ZNFX1: variants seen among roughly 807,000 people sequenced by gnomAD.
ZNFX1 encodes zinc finger NFX1-type containing 1.
In ZNFX1, 78 loss-of-function variants were observed where a neutral mutation model predicts 179.8. The ratio of observed to expected loss-of-function variants is 0.43; its 90% CI spans 0.36 to 0.52. The LOEUF is 0.52. Among genes scored for constraint, ZNFX1 ranks in the 20% least tolerant of loss-of-function variants. The probability of loss-of-function intolerance (pLI) is 0.00; values close to 1 mark genes in which losing one functional copy is unlikely to be tolerated. For synonymous variants in ZNFX1, 848 were observed against 868.5 expected (o/e 0.98, Z 0.42); for missense variants, 1,927 against 2,386.6 (o/e 0.81, Z 4.01).
chr20:49,257,864 G>C (rs1188170448), intron 7 of ZNFX1, among the ~76,000 whole-genome samples, 200 bp from the exon 8 acceptor site: 2 of 151,702 alleles, frequency 1.3e-5, no homozygotes, highest in Non-Finnish European at 2.9e-5. Flanking sequence ...ACCACGCCTG[G>C]CTAATTTTGT....
rs780905965 is a variant in ZNFX1 at position 49,247,369 on chromosome 20, T to C, written c.5655A>G (p.Arg1885=). Residue 1885 remains arginine (R), a synonymous_variant, in exon 14 of 14, where the codon AGA becomes AGG. Coordinates refer to ENST00000396105, the MANE Select transcript of ZNFX1 (RefSeq NM_021035.3). The stretch of plus-strand genomic sequence containing the variant: ...CCATTTCAGAAGCAAGCTGGTTGCT[T>C]CTTTCCAGAGTATGATTTGTGCCAC... ...VIGGTNHTLE[R]SNQLASEMDG... 6.2e-7 allele frequency: 1 copy of C among 1,614,188 alleles called. No homozygotes were observed. Among genetic ancestry groups the C allele is most frequent in the Non-Finnish European group, 8.5e-7 (1 of 1,180,030 alleles).
chr20:49,264,082 T>C (rs913676100), intron 5 of ZNFX1, among the ~76,000 whole-genome samples: 5 of 151,998 alleles, frequency 3.3e-5, no homozygotes, highest in Admixed American at 6.6e-5. Flanking sequence ...ATTAGCCAGG[T>C]GTGATGGCGG....
At chr20:49,269,345 G>A (rs1300857255) in intron 3 of ZNFX1, among the ~76,000 whole-genome samples, 2 of 152,132 alleles carry the variant, frequency 1.3e-5, no homozygotes, top group Non-Finnish European at 2.9e-5. Context: ...AGACACCAGG[G>A]CCTACTTCAG....
intron 7 of ZNFX1, among the ~76,000 whole-genome samples, chr20:49,258,256 C>G (rs1412418763): frequency 6.7e-6 from 1 of 150,098 alleles, no homozygotes; most frequent in Admixed American, 6.6e-5. Context: ...CCACCACGCC[C>G]AGCTAATTTT....
In ZNFX1 at chr20:49,271,314, T is replaced by C. The variant is rs1463751423; in HGVS notation, c.498A>G (p.Thr166=). The C allele has an allele frequency of 1.2e-6, 2 of 1,614,026 alleles. No homozygotes were observed. The highest frequency in any genetic ancestry group is 1.7e-6 in the Non-Finnish European group (2 of 1,180,028). Residue 166 remains threonine (T), a synonymous_variant, in exon 3 of 14, where the codon ACA becomes ACG. Transcript: ENST00000396105. ...DPSEVVITLA[T]SLGLKELLSH... is the part of the protein sequence containing the mutation. ...AAAGGAGCTCTTTCAGCCCTAAACT[T>C]GTGGCAAGTGTGATGACCACCTCAG... is the stretch of plus-strand genomic sequence containing the variant.
intron 8 of ZNFX1, 86 bp from the exon 9 acceptor site, chr20:49,256,033 A>G: frequency 6.7e-7 from 1 of 1,494,504 alleles, no homozygotes; most frequent in Non-Finnish European, 9.1e-7. Context: ...AGCACGTAAG[A>G]AAAAGGGCTG....
chr20:49,270,773 A>G lies in ZNFX1; in HGVS notation c.1039T>C (p.Leu347=), dbSNP rs367712194. ...GGGCGAAGGAAGGGCCTCTCATCCA[A>G]GTGCACTTCATTGTAGGTAGGGTAA... The part of the protein sequence containing the change: ...PIYPTYNEVH[L]DERPFLRPNI... Residue 347 remains leucine, a synonymous_variant, in exon 3 of 14, where the codon TTG becomes CTG. Transcript: ENST00000396105. The surrounding 1 kb of genome is among the most constrained non-coding windows in gnomAD (Gnocchi z 4.6). 3 of 1,614,000 alleles carry G rather than the reference A, an allele frequency of 1.9e-6. No homozygotes were observed. The highest frequency in any genetic ancestry group is 1.7e-6 in the Non-Finnish European group (2 of 1,180,010).
In ZNFX1 at chr20:49,248,610, A is replaced by G; in HGVS notation, c.4414T>C (p.Ser1472Pro). 6.2e-7 allele frequency: 1 copy of G among 1,614,120 alleles called. No individual in the cohort carries two copies. Among genetic ancestry groups the G allele is most frequent in the Non-Finnish European group, 8.5e-7 (1 of 1,180,046 alleles). Residue 1472 changes from serine (S) to proline (P), a missense_variant, in exon 14 of 14, where the codon TCA becomes CCA. Ser to Pro is a moderately conservative substitution (Grantham distance 74, BLOSUM62 -1). Transcript: ENST00000396105. This position sits in a 1 kb window ranked among gnomAD's most constrained non-coding sequence, Gnocchi z 4.6. ...QQPCKRLLIC[S>P]HKCQEPCIGE... ...ATGCATGGTTCCTGGCACTTGTGTG[A>G]GCAGATAAGCAGGCGCTTGCAGGGC...
intron 13 of ZNFX1, among the ~76,000 whole-genome samples, chr20:49,250,355 G>A (rs1027654841): frequency 2.0e-5 from 3 of 152,188 alleles, no homozygotes; most frequent in African/African-American, 7.2e-5. Flanking sequence ...TGACAGAGCA[G>A]CTAACTTACT....
At position 49,249,004 on chromosome 20, in the gene ZNFX1, C is replaced by T; in HGVS notation, c.4020G>A (p.Glu1340=). ...GHRCPLVCFQ[E]CQPCQVKVPK... is the part of the protein sequence containing the mutation. The stretch of plus-strand genomic sequence containing the variant: ...GCACCTTCACCTGACAAGGCTGACA[C>T]TCCTGGAAGCAAACAAGGGGACACC... The change falls in exon 14 of 14, where the codon GAG becomes GAA. Residue 1340 remains glutamate (E), a synonymous_variant. Coordinates refer to ENST00000396105, the MANE Select transcript of ZNFX1 (RefSeq NM_021035.3). The T allele has an allele frequency of 6.2e-7, 1 of 1,614,206 alleles. No homozygotes were observed. The highest frequency in any genetic ancestry group is 8.5e-7 in the Non-Finnish European group (1 of 1,180,028).
At chr20:49,255,545 C>T (rs559640037) in intron 9 of ZNFX1, among the ~76,000 whole-genome samples, 7 of 152,048 alleles carry the variant, frequency 4.6e-5, no homozygotes, top group African/African-American at 1.7e-4. Context: ...TGTGGAATTA[C>T]GTGATTAATT....
At chr20:49,272,228 A>C (rs1981428875) in intron 2 of ZNFX1, among the ~76,000 whole-genome samples, 1 of 146,874 alleles carries the variant, frequency 6.8e-6, no homozygotes, top group Non-Finnish European at 1.5e-5. Flanking sequence ...CCCAGGCTGG[A>C]GTGCAGTGGT....
At chr20:49,260,410 A>G in intron 7 of ZNFX1, 53 bp downstream of exon 7, 1 of 1,252,344 alleles carries the variant, frequency 8.0e-7, no homozygotes. Context: ...CTGTTCTGGT[A>G]TTTACTATAT....
At position 49,248,046 on chromosome 20, in the gene ZNFX1, T is replaced by C; in HGVS notation, c.4978A>G (p.Ser1660Gly). 1.9e-6 allele frequency: 3 copies of C among 1,614,216 alleles called. No individual in the cohort carries two copies. Among genetic ancestry groups the C allele is most frequent in the Non-Finnish European group, 1.7e-6 (2 of 1,180,046 alleles). ...AGCAGGGCCTTAAGCCGTTCCTGGC[T>C]GGTTGCTATTTCCCCTGCTGAGCCC... ...IQGSAGEIATSQERLKALLER... is the reference protein window; with the variant it reads ...IQGSAGEIATGQERLKALLER... The change falls in exon 14 of 14, where the codon AGC becomes GGC. Residue 1660 changes from serine (S) to glycine (G), a missense_variant. Transcript: ENST00000396105. This position sits in a 1 kb window ranked among gnomAD's most constrained non-coding sequence, Gnocchi z 4.6.
intron 3 of ZNFX1, among the ~76,000 whole-genome samples, chr20:49,267,152 T>C (rs1981254847): frequency 6.6e-6 from 1 of 152,180 alleles, no homozygotes; most frequent in South Asian, 2.1e-4. Context: ...CGCCTTGGCC[T>C]CCCAAAGTGC....
At chr20:49,261,979 T>C (rs868590174) in intron 6 of ZNFX1, among the ~76,000 whole-genome samples, 1 of 149,396 alleles carries the variant, frequency 6.7e-6, no homozygotes, top group South Asian at 2.1e-4. Context: ...GTAACAAACC[T>C]GCACACGTAC....
At chr20:49,266,764 A>G (rs1382173156) in intron 3 of ZNFX1, among the ~76,000 whole-genome samples, 1 of 149,590 alleles carries the variant, frequency 6.7e-6, no homozygotes, top group Non-Finnish European at 1.5e-5. Flanking sequence ...CAAATTAGAA[A>G]TACTTTTTAT....
In ZNFX1 at chr20:49,274,946, C is replaced by T. The variant is rs375444011; in HGVS notation, c.61+833G>A. On this transcript the variant is annotated intron_variant, in intron 2 of 13. Coordinates refer to ENST00000396105, the MANE Select transcript of ZNFX1 (RefSeq NM_021035.3). ...GACCATCCTGGCTAACACGGTGAAACCCCGTCTCTACTGAAAATACAAAAA... is the reference window on the plus strand; with the variant it reads ...GACCATCCTGGCTAACACGGTGAAATCCCGTCTCTACTGAAAATACAAAAA... Among the ~76,000 whole-genome samples, 8 of 141,652 alleles carry T rather than the reference C, an allele frequency of 5.6e-5. No individual in the cohort carries two copies. In the East Asian group the frequency reaches 6.2e-4, roughly 11 times the overall value. 92.9% of individuals were successfully genotyped at this position (141,652 alleles called of 152,430 possible).
intron 12 of ZNFX1, 49 bp from the exon 13 acceptor site, chr20:49,251,671 G>A: frequency 6.7e-7 from 1 of 1,495,654 alleles, no homozygotes; most frequent in South Asian, 1.2e-5. Flanking sequence ...AGCACACACG[G>A]ACAATTTCTT....
Sources: gnomAD v4.1 joint callset for allele counts (sites outside exome capture counted in the v4.1 genomes callset) on GRCh38, gnomAD v4.1.1 for gene constraint, Gnocchi (gnomAD v3.1) non-coding constraint, MANE v1.5 for transcripts, NCBI Gene and HGNC (gene_info 2026-07-23, HGNC 2026-07-21) for gene names.